Variants in VIPR2 observed in about 807,000 individuals in gnomAD.
VIPR2 encodes the protein vasoactive intestinal peptide receptor 2.
A neutral mutation model predicts 58.0 loss-of-function variants in VIPR2; 48 were observed. That is an observed-to-expected ratio of 0.83 (90% CI 0.66 to 1.05). VIPR2 has a LOEUF of 1.05. Ranked by LOEUF, VIPR2 falls within the 50% of genes least tolerant of loss-of-function variation. VIPR2 has a pLI of 0.00. For missense variants in VIPR2, 534 were observed against 558.0 expected (o/e 0.96, Z 0.43); for synonymous variants, 243 against 235.2 (o/e 1.03, Z -0.30).
chr7:159,041,168 C>T (rs1033847479), intron 6 of VIPR2, among the ~76,000 whole-genome samples: 3 of 152,230 alleles, frequency 2.0e-5, no homozygotes, highest in African/African-American at 7.2e-5. Context: ...AGTGTTCACC[C>T]AGTGTCCACA....
At chr7:159,129,068 C>T (rs1315031362) in intron 2 of VIPR2, among the ~76,000 whole-genome samples, 1 of 152,254 alleles carries the variant, frequency 6.6e-6, no homozygotes, top group Non-Finnish European at 1.5e-5. Context: ...GTAAGAAGAA[C>T]CCGTCACCAC....
intron 2 of VIPR2, 83 bp downstream of exon 2, chr7:159,142,363 G>T: frequency 2.2e-6 from 2 of 927,994 alleles, no homozygotes; most frequent in Non-Finnish European, 3.3e-6. Context: ...GATGCAGGTG[G>T]TGACCCTGAA....
intron 5 of VIPR2, among the ~76,000 whole-genome samples, chr7:159,054,178 C>A (rs1855166631): frequency 1.3e-5 from 2 of 152,162 alleles, no homozygotes; most frequent in Admixed American, 6.5e-5. Context: ...CCTAAAGAAA[C>A]TTTACCCTGC....
chr7:159,058,410 G>A (rs1351834094), intron 5 of VIPR2, 71 bp downstream of exon 5: 31 of 1,352,422 alleles, frequency 2.3e-5, no homozygotes, highest in Admixed American at 5.1e-5. Context: ...GCTGGGTGGC[G>A]CCTAGAAGGC....
Position 159,031,344 on chromosome 7 carries a change from C to T in VIPR2, c.1143+484G>A, listed in dbSNP as rs2129492691. The T allele has an allele frequency of 3.7e-6, 3 of 812,618 alleles. No homozygotes were observed. Among genetic ancestry groups the T allele is most frequent in the Non-Finnish European group, 4.5e-6 (3 of 672,138 alleles). 50.3% of individuals were successfully genotyped at this position (812,618 alleles called of 1,614,324 possible). A position where few individuals can be genotyped will look rare whatever the true frequency, so the allele number is the denominator to read the frequency against. ...GGCGGGAGGGTCAGGGGTCAGGGGACGGGGCCAGGCCGTTGGAGCAGCCCG... is the reference window on the plus strand; with the variant it reads ...GGCGGGAGGGTCAGGGGTCAGGGGATGGGGCCAGGCCGTTGGAGCAGCCCG... On this transcript the variant is annotated intron_variant, in intron 12 of 12. Transcript: ENST00000262178. This position sits in a 1 kb window ranked among gnomAD's most constrained non-coding sequence, Gnocchi z 4.0.
intron 9 of VIPR2, 35 bp from the exon 10 acceptor site, chr7:159,034,339 C>T (rs114683900): frequency 1.7e-5 from 27 of 1,602,462 alleles, no homozygotes; most frequent in African/African-American, 8.1e-5. Context: ...GAAACAGACA[C>T]GTGGATCCCT....
intron 2 of VIPR2, among the ~76,000 whole-genome samples, chr7:159,136,137 T>C (rs1311526406): frequency 6.6e-6 from 1 of 152,144 alleles, no homozygotes; most frequent in Non-Finnish European, 1.5e-5. Context: ...TTCTCACAGT[T>C]ATGAGGCTGG....
intron 4 of VIPR2, among the ~76,000 whole-genome samples, chr7:159,083,407 C>A (rs570942920): frequency 2.7e-4 from 41 of 152,364 alleles, no homozygotes; most frequent in African/African-American, 8.9e-4. Flanking sequence ...TCAGGTAGTT[C>A]CCCTTCTGGG....
chr7:159,087,211 A>G (rs1331292980), intron 4 of VIPR2, among the ~76,000 whole-genome samples: 1 of 151,442 alleles, frequency 6.6e-6, no homozygotes, highest in Middle Eastern at 3.2e-3. Flanking sequence ...CCCAACAAAC[A>G]ATACCCAGGA....
rs1426192157 is a variant in VIPR2, at chr7:159,127,648, G to A, written c.151+14798C>T. Among the ~76,000 whole-genome samples the A allele has an allele frequency of 2.0e-5, 3 of 152,090 alleles. No individual in the cohort carries two copies. The highest frequency in any genetic ancestry group is 4.8e-5 in the African/African-American group (2 of 41,410). On this transcript the variant is annotated intron_variant, in intron 2 of 12. Coordinates refer to ENST00000262178, the MANE Select transcript of VIPR2 (RefSeq NM_003382.5). This position sits in a 1 kb window ranked among gnomAD's most constrained non-coding sequence, Gnocchi z 4.6. ...TCTCTTCCACACCTGCAGGGTCCTC[G>A]GGGCCCTCAGCTTTGGCATGTAAAC...
At position 159,134,489 on chromosome 7, in the gene VIPR2, T is replaced by A. The variant is rs918687221; in HGVS notation, c.151+7957A>T. Among the ~76,000 whole-genome samples the A allele has an allele frequency of 6.1e-4, 93 of 152,068 alleles. 1 individual carries two copies. The highest frequency in any genetic ancestry group is 2.1e-3 in the African/African-American group (89 of 41,508). On this transcript the variant is annotated intron_variant, in intron 2 of 12. Transcript: ENST00000262178. Reference sequence around the variant, plus strand: ...CCAGAATAAAAAAGAAGAAAATGAGTAAGAAAAAAACTGAGTGGGTATACA... The same window carrying A: ...CCAGAATAAAAAAGAAGAAAATGAGAAAGAAAAAAACTGAGTGGGTATACA...
intron 5 of VIPR2, among the ~76,000 whole-genome samples, chr7:159,056,788 C>T (rs1288967358): frequency 6.6e-6 from 1 of 152,170 alleles, no homozygotes; most frequent in Non-Finnish European, 1.5e-5. Flanking sequence ...ATAATTCGGA[C>T]TTTAGAATTG....
chr7:159,144,611 C>T, intron 1 of VIPR2, 110 bp downstream of exon 1: 1 of 1,387,160 alleles, frequency 7.2e-7, no homozygotes, highest in Non-Finnish European at 9.4e-7. Context: ...GGACCCCGCC[C>T]GCGCTCCAGC....
At chr7:159,092,000 G>A (rs1585469122) in intron 4 of VIPR2, among the ~76,000 whole-genome samples, 3 of 152,218 alleles carry the variant, frequency 2.0e-5, no homozygotes, top group African/African-American at 7.2e-5. Flanking sequence ...GCTGAGGCAC[G>A]AGAATCGCTT....
chr7:159,036,791 G>C lies in VIPR2; in HGVS notation c.709C>G (p.Pro237Ala), dbSNP rs78564798. 2.8e-4 allele frequency: 447 copies of C among 1,613,936 alleles called. 2 individuals are homozygous for C. In the South Asian group the frequency reaches 3.2e-3, roughly 11 times the overall value. Residue 237 changes from proline to alanine, a missense_variant, in exon 7 of 13, where the codon CCT becomes GCT. Physicochemically the swap from Pro to Ala is conservative, Grantham distance 27. Around this residue, in one of 3 missense-constraint regions of VIPR2, gnomAD observed 306 missense variants for 285.8 expected, o/e 1.07. Coordinates refer to ENST00000262178, the MANE Select transcript of VIPR2 (RefSeq NM_003382.5). ...LHTLLVAMLP[P>A]RRCFLAYLLI... ...AGGTAGGCCAGGAAGCACCTTCTAG[G>C]GGGGAGCATGGCCACCAGGAGGGTG... is the stretch of plus-strand genomic sequence containing the variant.
In VIPR2 at chr7:159,030,116, C is replaced by T. The variant is rs56259918; in HGVS notation, c.*500G>A. On this transcript the variant is annotated 3_prime_UTR_variant, in exon 13 of 13. Coordinates refer to ENST00000262178, the MANE Select transcript of VIPR2 (RefSeq NM_003382.5). ...ATCCCAGCACTTTGGGAGGCCGAGG[C>T]GGGCCCATCACGAGGTCAGGAGATC... The T allele has an allele frequency of 2.5e-3, 379 of 153,312 alleles. No homozygotes were observed. Among genetic ancestry groups the T allele is most frequent in the Non-Finnish European group, 4.1e-3 (282 of 68,800 alleles). 9.5% of individuals were successfully genotyped at this position (153,312 alleles called of 1,614,324 possible).
At chr7:159,107,686 T>A (rs1795809027) in intron 3 of VIPR2, among the ~76,000 whole-genome samples, 1 of 151,632 alleles carries the variant, frequency 6.6e-6, no homozygotes, top group Non-Finnish European at 1.5e-5. Context: ...TGCCCGCTGC[T>A]TCTGGAACTG....
chr7:159,119,449 T>C (rs1475434387), intron 2 of VIPR2, among the ~76,000 whole-genome samples: 2 of 152,188 alleles, frequency 1.3e-5, no homozygotes, highest in African/African-American at 2.4e-5. Context: ...TCATGCTTGC[T>C]GTTCCCCCTG....
At chr7:159,044,319 C>T (rs1211547414) in intron 5 of VIPR2, among the ~76,000 whole-genome samples, 1 of 152,066 alleles carries the variant, frequency 6.6e-6, no homozygotes, top group Non-Finnish European at 1.5e-5. Context: ...AAATAAACAG[C>T]TACAACCGGC....
Sources: allele counts gnomAD v4.1 joint callset (sites outside exome capture counted in the v4.1 genomes callset), GRCh38; gene constraint gnomAD v4.1.1; regional missense constraint gnomAD v4.1.1; non-coding constraint Gnocchi (gnomAD v3.1); transcripts MANE v1.5; gene names NCBI Gene and HGNC (gene_info 2026-07-23, HGNC 2026-07-21).